The following TLE4 variants were observed in gnomAD, a reference collection of about 807,000 sequenced individuals.
TLE4 encodes transducin-like enhancer protein 4.
Under a neutral mutation model 92.8 loss-of-function variants are expected in TLE4, and 8 were observed. The ratio of observed to expected loss-of-function variants is 0.09; its 90% CI spans 0.05 to 0.16. The LOEUF (loss-of-function observed/expected upper bound fraction) is 0.16, where lower values mean the gene tolerates loss of function less well. Among genes scored for constraint, TLE4 ranks in the 10% least tolerant of loss-of-function variants. The probability of loss-of-function intolerance (pLI) is 1.00; values close to 1 mark genes in which losing one functional copy is unlikely to be tolerated. For synonymous variants in TLE4, 371 were observed against 374.1 expected (o/e 0.99, Z 0.10); for missense variants, 675 against 997.6 (o/e 0.68, Z 4.36).
intron 8 of TLE4, among the ~76,000 whole-genome samples, chr9:79,663,103 C>T (rs2060810680): frequency 6.6e-6 from 1 of 152,104 alleles, no homozygotes; most frequent in African/African-American, 2.4e-5. Context: ...AGTCTTGTTC[C>T]CTCAGCCTTT....
At chr9:79,652,485 C>G (rs1283921765) in intron 6 of TLE4, 108 bp from the exon 7 acceptor site, 1 of 1,257,572 alleles carries the variant, frequency 8.0e-7, no homozygotes, top group Non-Finnish European at 1.2e-6. Context: ...CCGTGCCCAG[C>G]CGGTGTTGGC....
At chr9:79,582,595 TA>T (rs2039964567) in intron 4 of TLE4, among the ~76,000 whole-genome samples, 1 of 151,918 alleles carries the variant, frequency 6.6e-6, no homozygotes, top group East Asian at 1.9e-4. Context: ...ATTAAATGTT[TA>T]AAAAATGCAT....
intron 6 of TLE4, among the ~76,000 whole-genome samples, chr9:79,631,802 C>T (rs1587562521): frequency 6.6e-6 from 1 of 151,702 alleles, no homozygotes; most frequent in South Asian, 2.1e-4. Context: ...GGTCATTTTC[C>T]TTGTATTCTT....
chr9:79,721,990 C>A lies in TLE4; in HGVS notation c.1986+102C>A, dbSNP rs960914953. On this transcript the variant is annotated intron_variant, in intron 17 of 19. Coordinates refer to ENST00000376552, the MANE Select transcript of TLE4 (RefSeq NM_007005.6). ...GACCATCCTGGCCAACATGGTGAAA[C>A]CCCATCTCTACTAAAAGTACAAAAA... 17 of 1,476,476 alleles carry A rather than the reference C, an allele frequency of 1.2e-5. No individual in the cohort carries two copies. The Admixed American group carries it at 3.0e-4, about 26-fold the overall frequency. 91.5% of individuals were successfully genotyped at this position (1,476,476 alleles called of 1,614,324 possible).
chr9:79,584,515 A>C (rs2132113189), intron 4 of TLE4, among the ~76,000 whole-genome samples: 1 of 152,252 alleles, frequency 6.6e-6, no homozygotes, highest in Middle Eastern at 3.4e-3. Flanking sequence ...CTCGTGCTAG[A>C]TTGTAAGCTC....
At chr9:79,674,658 C>G (rs1306467586) in intron 8 of TLE4, among the ~76,000 whole-genome samples, 1 of 152,096 alleles carries the variant, frequency 6.6e-6, no homozygotes, top group Non-Finnish European at 1.5e-5. Flanking sequence ...TGTGACTTGT[C>G]TGTCATATGT....
chr9:79,662,234 T>G (rs954979143), intron 8 of TLE4, among the ~76,000 whole-genome samples: 7 of 152,232 alleles, frequency 4.6e-5, no homozygotes, highest in African/African-American at 1.7e-4. Context: ...ATTATTTAAT[T>G]GTATCATATC....
intron 8 of TLE4, among the ~76,000 whole-genome samples, chr9:79,695,735 G>C (rs1362490828): frequency 2.6e-5 from 4 of 152,208 alleles, no homozygotes; most frequent in Non-Finnish European, 5.9e-5. Context: ...GGAGCTCCTT[G>C]GATAGCATTA....
At chr9:79,585,516 A>G (rs1319765285) in intron 4 of TLE4, among the ~76,000 whole-genome samples, 2 of 152,162 alleles carry the variant, frequency 1.3e-5, no homozygotes, top group East Asian at 1.9e-4. Context: ...GCTTTGTGAT[A>G]TTGCTGAGTA....
chr9:79,726,142 A>AC lies in TLE4; in HGVS notation c.*1000dup, dbSNP rs1449734390. On this transcript the variant is annotated 3_prime_UTR_variant, in exon 20 of 20. Transcript: ENST00000376552. Reference sequence around the variant, plus strand: ...GGACAGCAGAGGAGGGTTTGCAGAGACCTCCCTCTGAAAAACACAAAGAAT... The same window carrying AC: ...GGACAGCAGAGGAGGGTTTGCAGAGACCCTCCCTCTGAAAAACACAAAGAAT... 6.6e-6 allele frequency: 1 copy of AC among 152,384 alleles called. No individual in the cohort carries two copies. The highest frequency in any genetic ancestry group is 1.5e-5 in the Non-Finnish European group (1 of 67,996). The allele number at this position is 152,384 out of a possible 1,614,324, so 9.4% of individuals were successfully genotyped here. A position where few individuals can be genotyped will look rare whatever the true frequency, so the allele number is the denominator to read the frequency against.
intron 1 of TLE4, 76 bp from the exon 2 acceptor site, chr9:79,573,613 C>G: frequency 8.0e-7 from 1 of 1,254,714 alleles, no homozygotes; most frequent in South Asian, 1.5e-5. Context: ...CCGCTAACGC[C>G]GCATAGTAGG....
At chr9:79,625,314 C>T (rs565688440) in intron 5 of TLE4, among the ~76,000 whole-genome samples, 275 of 152,146 alleles carry the variant, frequency 1.8e-3, no homozygotes, top group African/African-American at 6.0e-3. Context: ...CCACCGCGCC[C>T]GGCCTTAAAT....
At chr9:79,681,497 C>G (rs555001638) in intron 8 of TLE4, among the ~76,000 whole-genome samples, 59 of 152,226 alleles carry the variant, frequency 3.9e-4, no homozygotes, top group African/African-American at 1.3e-3. Context: ...TGACAGCATA[C>G]ATGCCTGGTA....
chr9:79,641,856 CAT>C, intron 6 of TLE4, among the ~76,000 whole-genome samples: 1 of 152,212 alleles, frequency 6.6e-6, no homozygotes, highest in East Asian at 1.9e-4. Context: ...GGAGATCACA[CAT>C]GTGAGTGTTG....
intron 6 of TLE4, among the ~76,000 whole-genome samples, chr9:79,646,243 T>A (rs1045463690): frequency 1.2e-4 from 19 of 152,146 alleles, no homozygotes; most frequent in African/African-American, 4.3e-4. Flanking sequence ...AAGTAGAATA[T>A]CTTTGCAGGT....
At chr9:79,667,254 A>G (rs1038118174) in intron 8 of TLE4, among the ~76,000 whole-genome samples, 1 of 152,106 alleles carries the variant, frequency 6.6e-6, no homozygotes, top group African/African-American at 2.4e-5. Flanking sequence ...GCCACGGACA[A>G]AGGCTGTGTG....
intron 8 of TLE4, chr9:79,671,360 C>A: frequency 2.3e-6 from 1 of 433,664 alleles, no homozygotes; most frequent in South Asian, 1.6e-5. Flanking sequence ...TAATAACTAC[C>A]CTGACGAGCT....
At chr9:79,576,357 C>T in intron 4 of TLE4, 180 bp downstream of exon 4, 1 of 386,470 alleles carries the variant, frequency 2.6e-6, no homozygotes. Context: ...TTCATATTAT[C>T]CTAATTTTTA....
chr9:79,634,096 CCATT>C (rs1186476151), intron 6 of TLE4, among the ~76,000 whole-genome samples: 1 of 152,118 alleles, frequency 6.6e-6, no homozygotes, highest in Non-Finnish European at 1.5e-5. Context: ...ATGATTATGT[CCATT>C]CATTCATTCA....
Sources: gnomAD v4.1 joint callset for allele counts (sites outside exome capture counted in the v4.1 genomes callset) on GRCh38, gnomAD v4.1.1 for gene constraint, MANE v1.5 for transcripts, NCBI Gene and HGNC (gene_info 2026-07-23, HGNC 2026-07-21) for gene names.